The following HERC1 variants were observed in gnomAD, a reference collection of about 807,000 sequenced individuals.
The protein encoded by HERC1 is probable E3 ubiquitin-protein ligase HERC1.
HERC1 carries 160 observed loss-of-function variants against 554.3 expected under a neutral mutation model. That is an observed-to-expected ratio of 0.29 (90% CI 0.25 to 0.33). HERC1 has a LOEUF of 0.33. Among genes scored for constraint, HERC1 ranks in the 10% least tolerant of loss-of-function variants. The pLI is 1.00. For missense variants in HERC1, 4,919 were observed against 5,918.5 expected, an observed-to-expected ratio of 0.83 and a Z score of 5.54; for synonymous variants, 2,175 against 2,131.7, an observed-to-expected ratio of 1.02 and a Z score of -0.56.
chr15:63,821,830 G>A (rs1035005684), intron 1 of HERC1, among the ~76,000 whole-genome samples: 9 of 151,970 alleles, frequency 5.9e-5, no homozygotes, highest in Admixed American at 2.0e-4. Context: ...ACATGCTAGG[G>A]ACTTTTCTAG....
In HERC1 at chr15:63,746,860, T is replaced by C. The variant is rs759768454; in HGVS notation, c.2520+58A>G. 3.6e-4 allele frequency: 512 copies of C among 1,437,110 alleles called. 1 individual carries two copies. Among genetic ancestry groups the C allele is most frequent in the Non-Finnish European group, 4.5e-4 (473 of 1,045,784 alleles). 89.0% of individuals were successfully genotyped at this position (1,437,110 alleles called of 1,614,324 possible). A position where few individuals can be genotyped will look rare whatever the true frequency, so the allele number is the denominator to read the frequency against. On this transcript the variant is annotated intron_variant, in intron 12 of 77. Transcript: ENST00000443617. ...TGTACAGTTGAATATATTGTATAGC[T>C]AAAATCTCAGAGAAAGACGTGGTTT...
intron 59 of HERC1, among the ~76,000 whole-genome samples, chr15:63,642,175 T>C (rs1244408621): frequency 6.6e-6 from 1 of 152,208 alleles, no homozygotes; most frequent in Non-Finnish European, 1.5e-5. Context: ...TTTAAGGGTA[T>C]GAAAAATAAT....
intron 76 of HERC1, among the ~76,000 whole-genome samples, chr15:63,613,092 CCTT>C (rs1246430535): frequency 6.6e-6 from 1 of 152,176 alleles, no homozygotes; most frequent in Non-Finnish European, 1.5e-5. Flanking sequence ...AATGGGAAGT[CCTT>C]CTTTAGGAAG....
intron 21 of HERC1, among the ~76,000 whole-genome samples, chr15:63,716,988 T>G (rs1257604682): frequency 6.6e-6 from 1 of 152,202 alleles, no homozygotes; most frequent in African/African-American, 2.4e-5. Context: ...CAATGTTAAC[T>G]TGATTTCCCA....
chr15:63,630,713 A>G (rs2068511643), intron 68 of HERC1, 78 bp from the exon 69 acceptor site: 4 of 1,413,372 alleles, frequency 2.8e-6, no homozygotes, highest in Non-Finnish European at 9.6e-7. Context: ...CTGATCAGTC[A>G]TTTAGCTTAT....
chr15:63,616,000 G>A (rs1463427469), intron 75 of HERC1, 80 bp from the exon 76 acceptor site: 8 of 1,194,314 alleles, frequency 6.7e-6, no homozygotes, highest in Non-Finnish European at 8.2e-6. Context: ...ATACGGCACA[G>A]CAATAACAAA....
chr15:63,763,148 A>G (rs1439382490), intron 3 of HERC1, among the ~76,000 whole-genome samples: 1 of 152,084 alleles, frequency 6.6e-6, no homozygotes, highest in East Asian at 1.9e-4. Context: ...TCTTTTTCTC[A>G]ATCCTTTGAA....
Position 63,656,309 on chromosome 15 carries a change from C to T in HERC1, c.9649G>A (p.Asp3217Asn). ...ATTAATCGAACTAGCGTTCGGATAT[C>T]TGTTAGCCCCAGAGACTCAAGACCA... ...AAGLESLGLT[D>N]IRTLVRLMCL... Residue 3217 changes from aspartate to asparagine, a missense_variant, in exon 49 of 78, where the codon GAT becomes AAT. Asp to Asn is a conservative substitution (Grantham distance 23). This residue lies in a region of HERC1 where 1,963 missense variants were observed against 2,228.6 expected (regional missense o/e 0.88). Coordinates refer to ENST00000443617, the MANE Select transcript of HERC1 (RefSeq NM_003922.4). The T allele has an allele frequency of 6.2e-6, 10 of 1,613,784 alleles. No homozygotes were observed. The highest frequency in any genetic ancestry group is 1.1e-5 in the South Asian group (1 of 91,088).
At position 63,683,979 on chromosome 15, in the gene HERC1, T is replaced by C. The variant is rs923216994; in HGVS notation, c.6225+2380A>G. Among the ~76,000 whole-genome samples, 4 of 152,342 alleles carry C rather than the reference T, an allele frequency of 2.6e-5. 1 individual carries two copies. The highest frequency in any genetic ancestry group is 9.6e-5 in the African/African-American group (4 of 41,574). On this transcript the variant is annotated intron_variant, in intron 34 of 77. Transcript: ENST00000443617. ...CAGCTAAAAGCAGGCACAAGCTGAA[T>C]GAACAAAACTCAAAATCTGGGACTG...
chr15:63,774,261 G>T (rs1253453236), intron 2 of HERC1, among the ~76,000 whole-genome samples: 2 of 152,138 alleles, frequency 1.3e-5, no homozygotes, highest in Non-Finnish European at 2.9e-5. Flanking sequence ...CATGGGGGTG[G>T]AAACTGTATC....
Position 63,645,701 on chromosome 15 carries a change from GA to G in HERC1, c.10879-20del. 8 of 1,411,298 alleles carry G rather than the reference GA, an allele frequency of 5.7e-6. No individual in the cohort carries two copies. The highest frequency in any genetic ancestry group is 1.5e-5 in the South Asian group (1 of 68,812). 87.4% of individuals were successfully genotyped at this position (1,411,298 alleles called of 1,614,324 possible). On this transcript the variant is annotated intron_variant, in intron 55 of 77. Coordinates refer to ENST00000443617, the MANE Select transcript of HERC1 (RefSeq NM_003922.4). ...GAGTATCCTTAAAATGGAAGGAAGA[GA>G]AAAAAAATCAGAGTAATGTTTCCTT...
intron 58 of HERC1, 49 bp downstream of exon 58, chr15:63,643,355 G>T (rs767884736): frequency 6.6e-7 from 1 of 1,506,538 alleles, no homozygotes; most frequent in Non-Finnish European, 9.1e-7. Flanking sequence ...ATGTGTTTAA[G>T]TTAGTGTCAA....
intron 23 of HERC1, 91 bp downstream of exon 23, chr15:63,713,261 GA>G (rs1405589138): frequency 1.0e-5 from 11 of 1,080,316 alleles, no homozygotes; most frequent in Admixed American, 2.1e-5. Flanking sequence ...GTTAACATCA[GA>G]ACACTGTAAC....
intron 77 of HERC1, among the ~76,000 whole-genome samples, chr15:63,610,683 G>A (rs1207451466): frequency 6.6e-6 from 1 of 152,238 alleles, no homozygotes; most frequent in Non-Finnish European, 1.5e-5. Context: ...GCAGCAGCCT[G>A]CAGCCTCAGG....
chr15:63,718,881 A>G lies in HERC1; in HGVS notation c.3759T>C (p.Thr1253=), dbSNP rs905617313. Residue 1253 remains threonine, a synonymous_variant, in exon 20 of 78, where the codon ACT becomes ACC. Transcript: ENST00000443617. This position sits in a 1 kb window ranked among gnomAD's most constrained non-coding sequence, Gnocchi z 4.2. ...YAVSKDWDSA[T]LSNESLLDTV... ...TGTCCAAGAGTGACTCATTACTTAA[A>G]GTTGCACTGTCCCAATCTGAAAATA... is the stretch of plus-strand genomic sequence containing the variant. 23 of 1,609,906 alleles carry G rather than the reference A, an allele frequency of 1.4e-5. No homozygotes were observed. Among genetic ancestry groups the G allele is most frequent in the Non-Finnish European group, 2.0e-5 (23 of 1,176,828 alleles).
chr15:63,616,366 A>C, intron 75 of HERC1, 64 bp downstream of exon 75: 1 of 1,510,794 alleles, frequency 6.6e-7, no homozygotes, highest in Non-Finnish European at 8.9e-7. Flanking sequence ...TTTACACAGA[A>C]AAATTCTAGT....
At chr15:63,736,394 C>A (rs1463437667) in intron 12 of HERC1, among the ~76,000 whole-genome samples, 1 of 152,230 alleles carries the variant, frequency 6.6e-6, no homozygotes, top group African/African-American at 2.4e-5. Flanking sequence ...CACCAGAAGA[C>A]TGTCACTCAG....
chr15:63,833,654 G>C (rs561401610), intron 1 of HERC1, among the ~76,000 whole-genome samples, 173 bp downstream of exon 1: 6 of 151,716 alleles, frequency 4.0e-5, no homozygotes, highest in African/African-American at 7.3e-5. Flanking sequence ...CCCCCAGCTC[G>C]CCTGCCGCCC....
intron 77 of HERC1, among the ~76,000 whole-genome samples, chr15:63,611,530 C>A (rs1458869244): frequency 6.6e-6 from 1 of 152,168 alleles, no homozygotes; most frequent in Non-Finnish European, 1.5e-5. Context: ...CAAGTGGGCA[C>A]AGAGGTTATC....
Sources: gnomAD v4.1 joint callset for allele counts (sites outside exome capture counted in the v4.1 genomes callset) on GRCh38, gnomAD v4.1.1 for gene constraint, gnomAD v4.1.1 regional missense constraint, Gnocchi (gnomAD v3.1) non-coding constraint, MANE v1.5 for transcripts, NCBI Gene and HGNC (gene_info 2026-07-23, HGNC 2026-07-21) for gene names.